ATF7IP: variants seen among roughly 807,000 people sequenced by gnomAD.
The protein encoded by ATF7IP is activating transcription factor 7-interacting protein 1.
A neutral mutation model predicts 106.4 loss-of-function variants in ATF7IP; 23 were observed. The observed-to-expected ratio is 0.22, with a 90% CI of 0.16 to 0.31. The LOEUF (loss-of-function observed/expected upper bound fraction) is 0.31. ATF7IP is among the 10% of genes least tolerant of loss of function. ATF7IP has a pLI of 1.00. For missense variants in ATF7IP, 1,334 were observed against 1,524.3 expected (o/e 0.88, Z 2.08); for synonymous variants, 542 against 539.0 (o/e 1.01, Z -0.08).
At position 14,444,381 on chromosome 12, in the gene ATF7IP, C is replaced by CT. The variant is rs558157982; in HGVS notation, c.1930-2598dup. 2.6e-4 allele frequency among the ~76,000 whole-genome samples: 39 copies of CT among 151,108 alleles called. No homozygotes were observed. In the South Asian group the frequency reaches 7.5e-3, roughly 29 times the overall value. On this transcript the variant is annotated intron_variant, in intron 5 of 14. Transcript: ENST00000261168. ...GCCAACCTTGATGTTAAGGAAACCT[C>CT]TTTTTTTTTGTAGACAGAGTTATTT...
chr12:14,477,779 GT>G lies in ATF7IP; in HGVS notation c.2942-533del, dbSNP rs140613043. ...GTCACAATCTTCATAGTGGTTTCCTGTTTTTAAGAGTTTTTTCTGAGATGCA... is the reference window on the plus strand; with the variant it reads ...GTCACAATCTTCATAGTGGTTTCCTGTTTTAAGAGTTTTTTCTGAGATGCA... On this transcript the variant is annotated intron_variant, in intron 11 of 14. Transcript: ENST00000261168. Among the ~76,000 whole-genome samples the G allele has an allele frequency of 7.2e-5, 11 of 152,272 alleles. No homozygotes were observed. In the East Asian group the frequency reaches 1.2e-3, roughly 16 times the overall value.
chr12:14,488,098 C>T (rs1157518232), intron 13 of ATF7IP, among the ~76,000 whole-genome samples: 1 of 152,054 alleles, frequency 6.6e-6, no homozygotes, highest in Admixed American at 6.6e-5. Context: ...AATGAAAGAA[C>T]TCCATCCTTA....
intron 1 of ATF7IP, among the ~76,000 whole-genome samples, chr12:14,376,719 C>G (rs112699783): frequency 3.3e-5 from 5 of 152,240 alleles, no homozygotes; most frequent in South Asian, 2.1e-4. Flanking sequence ...ATTCTTTATT[C>G]TCTTCAAAGC....
chr12:14,466,848 T>C (rs1349015044), intron 10 of ATF7IP, among the ~76,000 whole-genome samples: 2 of 152,148 alleles, frequency 1.3e-5, no homozygotes, highest in Non-Finnish European at 2.9e-5. Flanking sequence ...ATTAATACAA[T>C]TGACAATCCA....
chr12:14,456,001 A>G (rs1361738438), intron 6 of ATF7IP, among the ~76,000 whole-genome samples: 1 of 152,202 alleles, frequency 6.6e-6, no homozygotes, highest in Non-Finnish European at 1.5e-5. Flanking sequence ...TTGGGGGGAA[A>G]GGCTGAAATA....
rs138650922 is a variant in ATF7IP at position 14,424,847 on chromosome 12, A to G, written c.932A>G (p.Asn311Ser). The change falls in exon 2 of 15, where the codon AAT becomes AGT. Residue 311 changes from asparagine (N) to serine (S), a missense_variant. Coordinates refer to ENST00000261168, the MANE Select transcript of ATF7IP (RefSeq NM_018179.5). Reference sequence around the variant, plus strand: ...ATTGACAATATAGAACCAAGTAGCAATAAAGATGATGATTTTCTTGAAAAA... The same window carrying G: ...ATTGACAATATAGAACCAAGTAGCAGTAAAGATGATGATTTTCTTGAAAAA... ...PEIDNIEPSS[N>S]KDDDFLEKNG... 8.3e-5 allele frequency: 134 copies of G among 1,613,372 alleles called. No homozygotes were observed. The African/African-American group carries it at 1.6e-3, about 19-fold the overall frequency.
Position 14,393,577 on chromosome 12 carries a change from G to A in ATF7IP, c.-8+27750G>A, listed in dbSNP as rs186685162. Among the ~76,000 whole-genome samples the A allele has an allele frequency of 1.4e-4, 21 of 152,174 alleles. No homozygotes were observed. In the East Asian group the frequency reaches 3.1e-3, roughly 22 times the overall value. ...CTATTGATAAATGATAACTTTATGC[G>A]TCCCCTCATTTATAGCCCCATTATC... is the stretch of plus-strand genomic sequence containing the variant. On this transcript the variant is annotated intron_variant, in intron 1 of 14. Transcript: ENST00000261168.
chr12:14,464,802 A>G (rs986995693), intron 9 of ATF7IP, among the ~76,000 whole-genome samples: 13 of 152,258 alleles, frequency 8.5e-5, no homozygotes, highest in African/African-American at 2.2e-4. Flanking sequence ...CTCTGAGGCA[A>G]TTAGGTCTAA....
At chr12:14,452,531 C>T (rs936140466) in intron 6 of ATF7IP, among the ~76,000 whole-genome samples, 12 of 151,672 alleles carry the variant, frequency 7.9e-5, no homozygotes, top group Admixed American at 3.9e-4. Flanking sequence ...CTGTGGTTAC[C>T]GTGGGGATTA....
In ATF7IP at chr12:14,477,344, G is replaced by A. The variant is rs184354522; in HGVS notation, c.2942-973G>A. 1.1e-3 allele frequency among the ~76,000 whole-genome samples: 163 copies of A among 152,274 alleles called. 1 individual carries two copies. Among genetic ancestry groups the A allele is most frequent in the Admixed American group, 5.2e-3 (80 of 15,294 alleles). On this transcript the variant is annotated intron_variant, in intron 11 of 14. Transcript: ENST00000261168. ...CATCCTTCATCCGGGTTGAACTCAA[G>A]CCAGTATGATTATTCTTTAAAAGTT... is the stretch of plus-strand genomic sequence containing the variant.
intron 2 of ATF7IP, among the ~76,000 whole-genome samples, chr12:14,426,737 G>T (rs1348268798): frequency 6.7e-6 from 1 of 148,570 alleles, no homozygotes; most frequent in East Asian, 2.0e-4. Context: ...GAGGTAGGGG[G>T]ATCACTTGAA....
chr12:14,455,864 C>T (rs1039746287), intron 6 of ATF7IP, among the ~76,000 whole-genome samples: 4 of 152,056 alleles, frequency 2.6e-5, no homozygotes, highest in Non-Finnish European at 5.9e-5. Context: ...GCTAGTATTA[C>T]GGGTGTGAGC....
intron 13 of ATF7IP, among the ~76,000 whole-genome samples, chr12:14,494,305 A>ATG (rs1374329084): frequency 1.2e-5 from 1 of 85,510 alleles, no homozygotes; most frequent in Admixed American, 1.2e-4. Context: ...ATATATATAT[A>ATG]TATATATATA....
intron 1 of ATF7IP, among the ~76,000 whole-genome samples, chr12:14,378,415 C>T (rs1389059782): frequency 1.3e-5 from 2 of 152,128 alleles, no homozygotes; most frequent in African/African-American, 4.8e-5. Context: ...CAGTATTTTT[C>T]TACAGAATCA....
intron 12 of ATF7IP, among the ~76,000 whole-genome samples, chr12:14,478,726 T>G (rs920995728): frequency 2.0e-5 from 3 of 152,190 alleles, no homozygotes; most frequent in Admixed American, 6.5e-5. Flanking sequence ...TGGAGGTAAT[T>G]TTAAAAAGCA....
chr12:14,370,020 C>G (rs1938470206), intron 1 of ATF7IP, among the ~76,000 whole-genome samples: 4 of 152,098 alleles, frequency 2.6e-5, no homozygotes, highest in Non-Finnish European at 5.9e-5. Flanking sequence ...TCACCGCAAC[C>G]TCCGCCTCCC....
At position 14,446,949 on chromosome 12, in the gene ATF7IP, T is replaced by C. The variant is rs137919163; in HGVS notation, c.1930-39T>C. On this transcript the variant is annotated intron_variant, in intron 5 of 14. Coordinates refer to ENST00000261168, the MANE Select transcript of ATF7IP (RefSeq NM_018179.5). ...TTTTTTTTTAATGCTGTAATACTAT[T>C]TGATTTCCATTCATTTTTGTCTTTT... is the stretch of plus-strand genomic sequence containing the variant. 9 of 1,494,470 alleles carry C rather than the reference T, an allele frequency of 6.0e-6. No individual in the cohort carries two copies. In the East Asian group the frequency reaches 2.1e-4, roughly 35 times the overall value. The allele number at this position is 1,494,470 out of a possible 1,614,324, so 92.6% of individuals were successfully genotyped here. A position where few individuals can be genotyped will look rare whatever the true frequency, so the allele number is the denominator to read the frequency against.
intron 2 of ATF7IP, among the ~76,000 whole-genome samples, chr12:14,428,838 A>G (rs1485232990): frequency 6.6e-6 from 1 of 152,238 alleles, no homozygotes; most frequent in Non-Finnish European, 1.5e-5. Context: ...TTACAAAAGT[A>G]GAAGAAAGAA....
At position 14,385,364 on chromosome 12, in the gene ATF7IP, T is replaced by A. The variant is rs1939173002; in HGVS notation, c.-8+19537T>A. 2.6e-6 allele frequency: 4 copies of A among 1,533,270 alleles called. No individual in the cohort carries two copies. In the South Asian group the frequency reaches 3.6e-5, roughly 14 times the overall value. The allele number at this position is 1,533,270 out of a possible 1,614,324, so 95.0% of individuals were successfully genotyped here. A position where few individuals can be genotyped will look rare whatever the true frequency, so the allele number is the denominator to read the frequency against. ...TGTAGCTGCTTAGGCAGCAAGTATG[T>A]CAGTGAGGAGACTTGTCACATGCAT... On this transcript the variant is annotated intron_variant, in intron 1 of 14. Coordinates refer to ENST00000261168, the MANE Select transcript of ATF7IP (RefSeq NM_018179.5).
Sources: allele counts gnomAD v4.1 joint callset (sites outside exome capture counted in the v4.1 genomes callset), GRCh38; gene constraint gnomAD v4.1.1; transcripts MANE v1.5; gene names NCBI Gene and HGNC (gene_info 2026-07-23, HGNC 2026-07-21).